ACTB: variants seen among roughly 807,000 people sequenced by gnomAD.
The protein encoded by ACTB is actin, cytoplasmic 1.
Under a neutral mutation model 30.5 loss-of-function variants are expected in ACTB, and 2 were observed. The observed-to-expected ratio is 0.07, with a 90% confidence interval of 0.03 to 0.21. The LOEUF is 0.21. ACTB is among the 10% of genes least tolerant of loss of function. ACTB has a pLI of 1.00. For synonymous variants in ACTB, 335 were observed against 217.6 expected, an observed-to-expected ratio of 1.54 and a Z score of -4.75; for missense variants, 56 against 530.0, an observed-to-expected ratio of 0.11 and a Z score of 8.78.
chr7:5,530,291 G>T (rs1181729024), intron 1 of ACTB, among the ~76,000 whole-genome samples: 1 of 152,014 alleles, frequency 6.6e-6, no homozygotes, highest in East Asian at 1.9e-4. Flanking sequence ...CGCCCCGAGA[G>T]CGGCACCCCC....
At chr7:5,529,452 G>T in intron 2 of ACTB, 52 bp from the exon 3 acceptor site, 1 of 1,613,424 alleles carries the variant, frequency 6.2e-7, no homozygotes, top group East Asian at 2.2e-5. Context: ...CCCCACCCCG[G>T]AAACCGGGAG....
chr7:5,530,262 A>G (rs1784863836), intron 1 of ACTB, among the ~76,000 whole-genome samples: 1 of 151,840 alleles, frequency 6.6e-6, no homozygotes, highest in African/African-American at 2.4e-5. Flanking sequence ...GCTCAGACAA[A>G]GACCCCGCCG....
In ACTB at chr7:5,529,677, C is replaced by A. The variant is rs1209042906; in HGVS notation, c.-6-14G>T. On this transcript the variant is annotated splice_polypyrimidine_tract_variant and intron_variant, in intron 1 of 5. Coordinates refer to ENST00000646664, the MANE Select transcript of ACTB (RefSeq NM_001101.5). ...ATCCATGGTGAGCTGCGAGAATAGC[C>A]GGGCGCGCTGTGAGCCGAGGTCGCC... The A allele has an allele frequency of 1.9e-6, 3 of 1,611,018 alleles. No homozygotes were observed. Among genetic ancestry groups the A allele is most frequent in the African/African-American group, 1.3e-5 (1 of 74,984 alleles).
At position 5,529,831 on chromosome 7, in the gene ACTB, G is replaced by A. The variant is rs774842809; in HGVS notation, c.-6-168C>T. On this transcript the variant is annotated intron_variant, in intron 1 of 5. Coordinates refer to ENST00000646664, the MANE Select transcript of ACTB (RefSeq NM_001101.5). ...CATAAAAGGCAAACACTGGTCGGAG[G>A]CGTCCCCGCGGCGCGCGGCAGGAAG... The A allele has an allele frequency of 5.2e-6, 6 of 1,156,556 alleles. No individual in the cohort carries two copies. In the East Asian group the frequency reaches 1.6e-4, roughly 31 times the overall value. 71.6% of individuals were successfully genotyped at this position (1,156,556 alleles called of 1,614,324 possible).
chr7:5,529,110 G>A (rs1337764900), intron 3 of ACTB, 51 bp downstream of exon 3: 5 of 1,613,482 alleles, frequency 3.1e-6, no homozygotes, highest in Admixed American at 1.7e-5. Context: ...GCAGCTCCGG[G>A]AGGCCAGGAA....
chr7:5,529,020 T>G, intron 3 of ACTB, 141 bp downstream of exon 3: 1 of 1,610,906 alleles, frequency 6.2e-7, no homozygotes, highest in South Asian at 1.1e-5. Context: ...AAATAGAACC[T>G]GCAGAGTTCC....
chr7:5,529,755 G>C (rs574197447), intron 1 of ACTB, 92 bp from the exon 2 acceptor site: 10 of 1,583,194 alleles, frequency 6.3e-6, no homozygotes, highest in Non-Finnish European at 8.6e-6. Context: ...AGGGGGCGCC[G>C]GCGCGCGCCC....
Position 5,527,545 on chromosome 7 carries a change from T to C in ACTB, c.*203A>G, listed in dbSNP as rs973656749. ...TGTGCAATCAAAGTCCTCGGCCACATTGTGAACTTTGGGGGATGCTCGCTC... is the reference window on the plus strand; with the variant it reads ...TGTGCAATCAAAGTCCTCGGCCACACTGTGAACTTTGGGGGATGCTCGCTC... On this transcript the variant is annotated 3_prime_UTR_variant, in exon 6 of 6. Transcript: ENST00000646664. The C allele has an allele frequency of 2.7e-5, 21 of 784,096 alleles. No homozygotes were observed. Among genetic ancestry groups the C allele is most frequent in the Non-Finnish European group, 3.8e-5 (19 of 494,438 alleles). The allele number at this position is 784,096 out of a possible 1,614,324, so 48.6% of individuals were successfully genotyped here. A position where few individuals can be genotyped will look rare whatever the true frequency, so the allele number is the denominator to read the frequency against.
rs776160632 is a variant in ACTB, at chr7:5,529,430, CA to C, written c.124-31del. On this transcript the variant is annotated intron_variant, in intron 2 of 5. Transcript: ENST00000646664. ...GAAGGAAAGGACAAGAAGCCCTGAG[CA>C]CGGGCGCAGCCCCCACCCCGGAAAC... is the stretch of plus-strand genomic sequence containing the variant. 2.2e-4 allele frequency: 348 copies of C among 1,613,538 alleles called. 2 individuals are homozygous for C. The highest frequency in any genetic ancestry group is 3.6e-5 in the Non-Finnish European group (43 of 1,179,998).
Position 5,529,173 on chromosome 7 carries a change from C to T in ACTB, c.351G>A (p.Glu117=), listed in dbSNP as rs765265404. Reference sequence around the variant, plus strand: ...GCGGGCCACTCACCTGGGTCATCTTCTCGCGGTTGGCCTTGGGGTTCAGGG... The same window carrying T: ...GCGGGCCACTCACCTGGGTCATCTTTTCGCGGTTGGCCTTGGGGTTCAGGG... ...EAPLNPKANR[E]KMTQIMFETF... Residue 117 remains glutamate (E), a synonymous_variant, in exon 3 of 6, where the codon GAG becomes GAA. Coordinates refer to ENST00000646664, the MANE Select transcript of ACTB (RefSeq NM_001101.5). 13 of 1,613,908 alleles carry T rather than the reference C, an allele frequency of 8.1e-6. No individual in the cohort carries two copies. Among genetic ancestry groups the T allele is most frequent in the African/African-American group, 1.3e-5 (1 of 74,924 alleles).
rs1475488171 is a variant in ACTB, at chr7:5,528,022, G to A, written c.966C>T (p.Pro322=). 1.1e-5 allele frequency: 17 copies of A among 1,614,074 alleles called. No homozygotes were observed. In the East Asian group the frequency reaches 1.8e-4, roughly 17 times the overall value. The part of the protein sequence containing the change: ...RMQKEITALA[P]STMKIKIIAP... ...CACCCACCTTGATCTTCATTGTGCT[G>A]GGTGCCAGGGCAGTGATCTCCTTCT... The change falls in exon 5 of 6, where the codon CCC becomes CCT. Residue 322 remains proline (P), a synonymous_variant. Coordinates refer to ENST00000646664, the MANE Select transcript of ACTB (RefSeq NM_001101.5).
intron 1 of ACTB, chr7:5,529,908 C>G (rs1784850897): frequency 5.5e-6 from 3 of 543,970 alleles, no homozygotes; most frequent in Admixed American, 3.5e-5. Context: ...CCGCCCGGTT[C>G]AAACAGCGCC....
Position 5,527,832 on chromosome 7 carries a change from C to A in ACTB, c.1044G>T (p.Ser348=), listed in dbSNP as rs13447409. The A allele has an allele frequency of 6.2e-7, 1 of 1,612,224 alleles. No homozygotes were observed. The highest frequency in any genetic ancestry group is 1.7e-5 in the Admixed American group (1 of 59,836). ...TCCACATCTGCTGGAAGGTGGACAG[C>A]GAGGCCAGGATGGAGCCGCCGATCC... ...SVWIGGSILA[S]LSTFQQMWIS... The change falls in exon 6 of 6, where the codon TCG becomes TCT. Residue 348 remains serine (S), a synonymous_variant. Transcript: ENST00000646664.
chr7:5,527,805 G>A lies in ACTB; in HGVS notation c.1071C>T (p.Ile357=). 6.2e-7 allele frequency: 1 copy of A among 1,614,082 alleles called. No homozygotes were observed. Among genetic ancestry groups the A allele is most frequent in the Non-Finnish European group, 8.5e-7 (1 of 1,180,000 alleles). ...ASLSTFQQMW[I]SKQEYDESGP... ...CGGACTCGTCATACTCCTGCTTGCT[G>A]ATCCACATCTGCTGGAAGGTGGACA... The change falls in exon 6 of 6, where the codon ATC becomes ATT. Residue 357 remains isoleucine (I), a synonymous_variant. Coordinates refer to ENST00000646664, the MANE Select transcript of ACTB (RefSeq NM_001101.5).
chr7:5,529,544 G>A lies in ACTB; in HGVS notation c.114C>T (p.Pro38=), dbSNP rs1442014063. The change falls in exon 2 of 6, where the codon CCC becomes CCT. Residue 38 remains proline, a synonymous_variant. Transcript: ENST00000646664. ...RAVFPSIVGR[P]RHQGVMVGMG... ...CAGCCAGCTCCCCTACCTGGTGCCTGGGGCGCCCCACGATGGAGGGGAAGA... is the reference window on the plus strand; with the variant it reads ...CAGCCAGCTCCCCTACCTGGTGCCTAGGGCGCCCCACGATGGAGGGGAAGA... 4 of 1,611,542 alleles carry A rather than the reference G, an allele frequency of 2.5e-6. No individual in the cohort carries two copies. Among genetic ancestry groups the A allele is most frequent in the East Asian group, 2.2e-5 (1 of 44,858 alleles).
At chr7:5,529,469 G>C (rs559963239) in intron 2 of ACTB, 66 bp downstream of exon 2, 38 of 1,613,152 alleles carry the variant, frequency 2.4e-5, no homozygotes, top group Non-Finnish European at 3.1e-5. Context: ...GGAGGCTCCT[G>C]TGCAGAGAAA....
intron 3 of ACTB, 171 bp downstream of exon 3, chr7:5,528,990 G>A (rs1378482498): frequency 5.0e-6 from 8 of 1,590,912 alleles, no homozygotes; most frequent in Non-Finnish European, 1.7e-6. Flanking sequence ...ACCAGAAAAA[G>A]AGCTCATCTG....
intron 1 of ACTB, 99 bp from the exon 2 acceptor site, chr7:5,529,762 G>A (rs1012523287): frequency 1.9e-6 from 3 of 1,570,496 alleles, no homozygotes; most frequent in Non-Finnish European, 2.6e-6. Flanking sequence ...GCCGGCGCGC[G>A]CCCAGATTGG....
rs1473139663 is a variant in ACTB at position 5,529,679 on chromosome 7, G to A, written c.-6-16C>T. 2 of 1,611,154 alleles carry A rather than the reference G, an allele frequency of 1.2e-6. No homozygotes were observed. Among genetic ancestry groups the A allele is most frequent in the East Asian group, 2.2e-5 (1 of 44,868 alleles). ...CCATGGTGAGCTGCGAGAATAGCCG[G>A]GCGCGCTGTGAGCCGAGGTCGCCCC... On this transcript the variant is annotated splice_polypyrimidine_tract_variant and intron_variant, in intron 1 of 5. Transcript: ENST00000646664.
Sources: gnomAD v4.1 joint callset for allele counts (sites outside exome capture counted in the v4.1 genomes callset) on GRCh38, gnomAD v4.1.1 for gene constraint, MANE v1.5 for transcripts, NCBI Gene and HGNC (gene_info 2026-07-23, HGNC 2026-07-21) for gene names.